Variants in SS18L2 observed in about 807,000 individuals in gnomAD.
The protein encoded by SS18L2 is SS18-like protein 2.
A neutral mutation model predicts 10.3 loss-of-function variants in SS18L2; 8 were observed. That is an observed-to-expected ratio of 0.78 (90% CI 0.46 to 1.41). The LOEUF (loss-of-function observed/expected upper bound fraction) is 1.41, where lower values mean the gene tolerates loss of function less well. SS18L2 is among the 40% of genes most tolerant of loss of function. SS18L2 has a pLI of 0.00. For missense variants in SS18L2, 100 were observed against 96.2 expected, an observed-to-expected ratio of 1.04 and a Z score of -0.17; for synonymous variants, 41 against 34.6, an observed-to-expected ratio of 1.19 and a Z score of -0.65.
chr3:42,595,884 T>C lies in SS18L2; in HGVS notation c.*1375T>C, dbSNP rs886597958. Among the ~76,000 whole-genome samples, 1 of 152,178 alleles carries C rather than the reference T, an allele frequency of 6.6e-6. No homozygotes were observed. Among genetic ancestry groups the C allele is most frequent in the East Asian group, 1.9e-4 (1 of 5,200 alleles). ...ACCTCTAAAGTGAGGATAATGAAAA[T>C]AGCATCTGCCTCCTGAGGTTGTGAG... On this transcript the variant is annotated 3_prime_UTR_variant, in exon 3 of 3. Transcript: ENST00000011691.
rs1704848328 is a variant in SS18L2, at chr3:42,591,610, C to T, written c.146+9C>T. ...GGGAACGAGTGCGTGCAGTAAGTAC[C>T]CCCACCCCCGCGCCCCTGACCTGTG... On this transcript the variant is annotated intron_variant, in intron 2 of 2. Transcript: ENST00000011691. 4.4e-6 allele frequency: 7 copies of T among 1,605,034 alleles called. No individual in the cohort carries two copies. The highest frequency in any genetic ancestry group is 1.7e-5 in the Admixed American group (1 of 59,996).
At chr3:42,593,411 C>T (rs1039379943) in intron 2 of SS18L2, among the ~76,000 whole-genome samples, 5 of 151,940 alleles carry the variant, frequency 3.3e-5, no homozygotes, top group African/African-American at 9.7e-5. Flanking sequence ...AGCAAGACTC[C>T]GTCTCAATAA....
At chr3:42,586,016 G>A (rs1704599778), upstream of SS18L2, among the ~76,000 whole-genome samples, 1 of 151,910 alleles carries the variant, frequency 6.6e-6, no homozygotes, top group Non-Finnish European at 1.5e-5. Context: ...ATGTCCCTTA[G>A]CTCCAGACAA....
chr3:42,584,987 G>A (rs1403693570), intron 1 of SS18L2, among the ~76,000 whole-genome samples: 3 of 152,160 alleles, frequency 2.0e-5, no homozygotes, highest in South Asian at 2.1e-4. Flanking sequence ...AAATTAGCCG[G>A]GCGTGATGGT....
rs937829636 is a variant in SS18L2 at position 42,594,684 on chromosome 3, C to T, written c.*175C>T. ...AATGTGAAGAAAGCTACTAACTTAG[C>T]TGTATTCTCATGTAAATATTTTTTA... On this transcript the variant is annotated 3_prime_UTR_variant, in exon 3 of 3. Transcript: ENST00000011691. The T allele has an allele frequency of 5.8e-6, 3 of 517,506 alleles. No individual in the cohort carries two copies. Among genetic ancestry groups the T allele is most frequent in the Non-Finnish European group, 1.0e-5 (3 of 291,888 alleles). 32.1% of individuals were successfully genotyped at this position (517,506 alleles called of 1,614,324 possible).
upstream of SS18L2, chr3:42,587,482 A>T (rs1300633233): frequency 1.3e-5 from 2 of 152,122 alleles, no homozygotes; most frequent in African/African-American, 4.8e-5. Context: ...TAATCCCAGC[A>T]CTTTGGGAGG....
At chr3:42,593,644 A>G (rs1266422022) in intron 2 of SS18L2, among the ~76,000 whole-genome samples, 1 of 152,130 alleles carries the variant, frequency 6.6e-6, no homozygotes, top group Non-Finnish European at 1.5e-5. Flanking sequence ...TAAAACAGAT[A>G]CCAGCTCTGC....
chr3:42,592,253 T>C (rs1704877897), intron 2 of SS18L2, among the ~76,000 whole-genome samples: 1 of 151,840 alleles, frequency 6.6e-6, no homozygotes, highest in African/African-American at 2.4e-5. Context: ...CAGGCTGGAG[T>C]GCAGTGGTGC....
Position 42,594,406 on chromosome 3 carries a change from GT to G in SS18L2, c.147-9del. On this transcript the variant is annotated splice_polypyrimidine_tract_variant and intron_variant, in intron 2 of 2. Coordinates refer to ENST00000011691, the MANE Select transcript of SS18L2 (RefSeq NM_001370300.1). ...AAAAACAAGCCTCTGATTTTTGCCT[GT>G]TTTTTTGCCCATAGGTACCAGCATG... 1.9e-6 allele frequency: 3 copies of G among 1,604,048 alleles called. No homozygotes were observed. The highest frequency in any genetic ancestry group is 2.6e-6 in the Non-Finnish European group (3 of 1,173,804).
At chr3:42,591,214 T>TTG in intron 1 of SS18L2, 1 of 593,376 alleles carries the variant, frequency 1.7e-6, no homozygotes, top group Non-Finnish European at 3.0e-6. Context: ...TTTTTTTTTT[T>TTG]TTTGAGACGG....
chr3:42,589,391 G>T (rs1011814113), upstream of SS18L2, among the ~76,000 whole-genome samples: 4 of 152,208 alleles, frequency 2.6e-5, no homozygotes, highest in Non-Finnish European at 5.9e-5. Flanking sequence ...ACCACTCAGG[G>T]GAATAAAGCT....
At position 42,595,318 on chromosome 3, in the gene SS18L2, G is replaced by A. The variant is rs1704996885; in HGVS notation, c.*809G>A. 2.0e-5 allele frequency among the ~76,000 whole-genome samples: 3 copies of A among 152,080 alleles called. No homozygotes were observed. Among genetic ancestry groups the A allele is most frequent in the African/African-American group, 7.2e-5 (3 of 41,394 alleles). On this transcript the variant is annotated 3_prime_UTR_variant, in exon 3 of 3. Coordinates refer to ENST00000011691, the MANE Select transcript of SS18L2 (RefSeq NM_001370300.1). ...TTTTCTTTATTTGTTGAAATAACTA[G>A]GTGTTTACCCTAGAATTCTCTCGTG... is the stretch of plus-strand genomic sequence containing the variant.
Position 42,594,695 on chromosome 3 carries a change from T to C in SS18L2, c.*186T>C. On this transcript the variant is annotated 3_prime_UTR_variant, in exon 3 of 3. Coordinates refer to ENST00000011691, the MANE Select transcript of SS18L2 (RefSeq NM_001370300.1). ...AGCTACTAACTTAGCTGTATTCTCATGTAAATATTTTTTAAATAATTAAGC... is the reference window on the plus strand; with the variant it reads ...AGCTACTAACTTAGCTGTATTCTCACGTAAATATTTTTTAAATAATTAAGC... 2.1e-6 allele frequency: 1 copy of C among 471,900 alleles called. No individual in the cohort carries two copies. The highest frequency in any genetic ancestry group is 3.8e-6 in the Non-Finnish European group (1 of 266,476). 29.2% of individuals were successfully genotyped at this position (471,900 alleles called of 1,614,324 possible).
intron 1 of SS18L2, among the ~76,000 whole-genome samples, chr3:42,585,246 T>C (rs980051321): frequency 6.6e-6 from 1 of 152,204 alleles, no homozygotes; most frequent in Non-Finnish European, 1.5e-5. Context: ...GTGCAACTGG[T>C]GTGGTTCAGG....
chr3:42,583,259 C>T (rs1200923294), intron 1 of SS18L2, among the ~76,000 whole-genome samples: 2 of 152,142 alleles, frequency 1.3e-5, no homozygotes, highest in East Asian at 3.8e-4. Flanking sequence ...GTGCAGTCAT[C>T]TGGGCAAGAG....
chr3:42,589,845 C>T (rs1190660608), upstream of SS18L2, among the ~76,000 whole-genome samples: 1 of 152,198 alleles, frequency 6.6e-6, no homozygotes, highest in African/African-American at 2.4e-5. Context: ...AAGACTACAA[C>T]CAATTCAGTT....
At chr3:42,591,200 C>CTTTTT in intron 1 of SS18L2, 4 of 460,070 alleles carry the variant, frequency 8.7e-6, no homozygotes, top group South Asian at 2.6e-5. Context: ...CCCTTTCTCT[C>CTTTTT]CTTTTTTTTT....
upstream of SS18L2, among the ~76,000 whole-genome samples, chr3:42,590,193 T>C (rs888423157): frequency 2.6e-5 from 4 of 152,176 alleles, no homozygotes; most frequent in African/African-American, 9.7e-5. Flanking sequence ...ATACCAGAGT[T>C]TTCCTGGCCT....
chr3:42,594,606 A>C lies in SS18L2; in HGVS notation c.*97A>C. ...CAAAATGGAGACAGGGTCTTTACCAACTCAACTGGTTAAAACATGAATGAA... is the reference window on the plus strand; with the variant it reads ...CAAAATGGAGACAGGGTCTTTACCACCTCAACTGGTTAAAACATGAATGAA... On this transcript the variant is annotated 3_prime_UTR_variant, in exon 3 of 3. Transcript: ENST00000011691. 9.6e-7 allele frequency: 1 copy of C among 1,044,206 alleles called. No individual in the cohort carries two copies. The highest frequency in any genetic ancestry group is 1.4e-6 in the Non-Finnish European group (1 of 690,030). The allele number at this position is 1,044,206 out of a possible 1,614,324, so 64.7% of individuals were successfully genotyped here.
Sources: gnomAD v4.1 joint callset for allele counts (sites outside exome capture counted in the v4.1 genomes callset) on GRCh38, gnomAD v4.1.1 for gene constraint, MANE v1.5 for transcripts, NCBI Gene and HGNC (gene_info 2026-07-23, HGNC 2026-07-21) for gene names.